The following CDK14 variants were observed in gnomAD, a reference collection of about 807,000 sequenced individuals.
CDK14 encodes the protein cyclin dependent kinase 14, also known as cyclin-dependent kinase 14.
Under a neutral mutation model 60.7 loss-of-function variants are expected in CDK14, and 34 were observed. The observed-to-expected ratio is 0.56, with a 90% CI of 0.43 to 0.75. The LOEUF (loss-of-function observed/expected upper bound fraction) is 0.75, where lower values mean the gene tolerates loss of function less well. CDK14 is among the 30% of genes least tolerant of loss of function. The probability of loss-of-function intolerance (pLI) is 0.00; values close to 1 mark genes in which losing one functional copy is unlikely to be tolerated. For missense variants in CDK14, 482 were observed against 564.1 expected, an observed-to-expected ratio of 0.85 and a Z score of 1.47; for synonymous variants, 197 against 203.7, an observed-to-expected ratio of 0.97 and a Z score of 0.28.
intron 5 of CDK14, among the ~76,000 whole-genome samples, chr7:90,797,556 G>A (rs751558088): frequency 3.9e-5 from 6 of 151,910 alleles, no homozygotes; most frequent in South Asian, 2.1e-4. Context: ...GTAACCCTAC[G>A]TATTAATCCA....
chr7:90,833,542 G>A (rs1390784750), intron 5 of CDK14, among the ~76,000 whole-genome samples: 1 of 152,126 alleles, frequency 6.6e-6, no homozygotes, highest in Non-Finnish European at 1.5e-5. Context: ...AGAACAAATG[G>A]CCCAGTTAGA....
chr7:90,671,032 GCT>G (rs1225172692), intron 2 of CDK14, among the ~76,000 whole-genome samples: 1 of 152,092 alleles, frequency 6.6e-6, no homozygotes, highest in African/African-American at 2.4e-5. Flanking sequence ...ATGTGGATGA[GCT>G]CTCTGTTTAG....
At chr7:90,941,044 C>G (rs1345341123) in intron 8 of CDK14, among the ~76,000 whole-genome samples, 1 of 152,148 alleles carries the variant, frequency 6.6e-6, no homozygotes, top group Non-Finnish European at 1.5e-5. Flanking sequence ...GTTAGGGCCA[C>G]TTTCATGTGA....
intron 8 of CDK14, among the ~76,000 whole-genome samples, chr7:90,934,210 C>A (rs1793684765): frequency 6.6e-6 from 1 of 152,274 alleles, no homozygotes; most frequent in Admixed American, 6.5e-5. Context: ...TCAGCTGGAA[C>A]CTGCTGCCAG....
intron 14 of CDK14, among the ~76,000 whole-genome samples, chr7:91,192,662 A>G (rs1802403603): frequency 6.6e-6 from 1 of 152,206 alleles, no homozygotes; most frequent in Non-Finnish European, 1.5e-5. Flanking sequence ...ATTTTCACGT[A>G]CTAAATAAAG....
At chr7:91,013,012 C>A (rs1796205090) in intron 10 of CDK14, among the ~76,000 whole-genome samples, 1 of 152,182 alleles carries the variant, frequency 6.6e-6, no homozygotes, top group African/African-American at 2.4e-5. Context: ...CAGAATTTTA[C>A]CTTCTTCCAG....
intron 2 of CDK14, among the ~76,000 whole-genome samples, chr7:90,642,183 C>T (rs528486240): frequency 5.9e-5 from 9 of 152,200 alleles, no homozygotes; most frequent in African/African-American, 9.6e-5. Flanking sequence ...ATACCTCAAG[C>T]GGTTTAAAGA....
rs938681550 is a variant in CDK14, at chr7:91,063,323, A to T, written c.1106-16109A>T. Among the ~76,000 whole-genome samples, 12 of 152,334 alleles carry T rather than the reference A, an allele frequency of 7.9e-5. 1 individual carries two copies. The South Asian group carries it at 8.3e-4, about 11-fold the overall frequency. On this transcript the variant is annotated intron_variant, in intron 11 of 14. Transcript: ENST00000380050. ...AAAAACTTCGTTTCCAATACTTAAG[A>T]TGGAAGCACTGTTTTGCCCCCAAAA...
chr7:90,812,965 CTAAG>C (rs1006539484), intron 5 of CDK14, among the ~76,000 whole-genome samples: 4 of 152,108 alleles, frequency 2.6e-5, no homozygotes, highest in Non-Finnish European at 5.9e-5. Context: ...AGACATTTAC[CTAAG>C]TGTTTCCAGT....
At chr7:90,745,535 C>A (rs1367581646) in intron 3 of CDK14, among the ~76,000 whole-genome samples, 2 of 152,134 alleles carry the variant, frequency 1.3e-5, no homozygotes, top group Non-Finnish European at 2.9e-5. Context: ...CCTGCCTTAG[C>A]CTCCCGAGTA....
At chr7:91,006,684 G>A (rs1171351200) in intron 10 of CDK14, among the ~76,000 whole-genome samples, 1 of 152,170 alleles carries the variant, frequency 6.6e-6, no homozygotes. Context: ...GTCTGGTAAT[G>A]TTTATTAAAA....
chr7:90,662,885 A>T (rs1279491015), intron 2 of CDK14, among the ~76,000 whole-genome samples: 1 of 152,200 alleles, frequency 6.6e-6, no homozygotes. Flanking sequence ...GGGCTCCTCC[A>T]CTTTCTAGCT....
chr7:90,826,252 C>T (rs1789718710), intron 5 of CDK14, among the ~76,000 whole-genome samples: 1 of 152,134 alleles, frequency 6.6e-6, no homozygotes, highest in Non-Finnish European at 1.5e-5. Context: ...GAGTCTCACT[C>T]CTGTTACCCA....
In CDK14 at chr7:90,899,321, C is replaced by A. The variant is rs1411044653; in HGVS notation, c.670C>A (p.His224Asn). Residue 224 changes from histidine (H) to asparagine (N), a missense_variant, in exon 7 of 15, where the codon CAC (histidine) becomes AAC (asparagine). Transcript: ENST00000380050. Reference protein sequence around the residue: ...HTDLCQYMDKHPGGLHPDNVK... With the variant: ...HTDLCQYMDKNPGGLHPDNVK... ...TGATTTATGTCAGTACATGGACAAG[C>A]ACCCTGGGGGGCTGCATCCAGATAA... 1 of 1,603,098 alleles carries A rather than the reference C, an allele frequency of 6.2e-7. No homozygotes were observed. Among genetic ancestry groups the A allele is most frequent in the South Asian group, 1.1e-5 (1 of 88,710 alleles).
At chr7:91,205,234 A>G (rs1410732282) in intron 14 of CDK14, among the ~76,000 whole-genome samples, 1 of 152,268 alleles carries the variant, frequency 6.6e-6, no homozygotes, top group East Asian at 1.9e-4. Flanking sequence ...ATACTTATAC[A>G]TGAATATTCA....
intron 5 of CDK14, among the ~76,000 whole-genome samples, chr7:90,832,045 C>A (rs538991654): frequency 1.3e-5 from 2 of 152,226 alleles, no homozygotes; most frequent in African/African-American, 4.8e-5. Flanking sequence ...TCAAAGATGT[C>A]TTCAGAGAAT....
intron 5 of CDK14, among the ~76,000 whole-genome samples, chr7:90,793,884 A>G (rs1160068877): frequency 6.6e-6 from 1 of 152,176 alleles, no homozygotes; most frequent in East Asian, 1.9e-4. Flanking sequence ...ACTTAACAGT[A>G]TATGCTATTT....
chr7:91,008,157 A>AAAAAAAAAG (rs1796045487), intron 10 of CDK14, among the ~76,000 whole-genome samples: 2 of 151,046 alleles, frequency 1.3e-5, no homozygotes, highest in Admixed American at 6.6e-5. Flanking sequence ...AAACAAAAAA[A>AAAAAAAAAG]AACAGTGGAT....
Position 90,806,689 on chromosome 7 carries a change from A to T in CDK14, c.544+16037A>T, listed in dbSNP as rs2374363. On this transcript the variant is annotated intron_variant, in intron 5 of 14. Transcript: ENST00000380050. The stretch of plus-strand genomic sequence containing the variant: ...CGAGGCATCGCCTCACCTGGGAAGC[A>T]CAAGAGGTCAGGGAATTCCCTTTCC... 4.9e-3 allele frequency among the ~76,000 whole-genome samples: 742 copies of T among 152,308 alleles called. 3 individuals carry two copies. Among genetic ancestry groups the T allele is most frequent in the African/African-American group, 0.016 (664 of 41,578 alleles).
Sources: gnomAD v4.1 joint callset for allele counts (sites outside exome capture counted in the v4.1 genomes callset) on GRCh38, gnomAD v4.1.1 for gene constraint, MANE v1.5 for transcripts, NCBI Gene and HGNC (gene_info 2026-07-23, HGNC 2026-07-21) for gene names.